PEDS1: variants seen among roughly 807,000 people sequenced by gnomAD.
PEDS1 encodes the protein CarF homolog.
Under a neutral mutation model 35.2 loss-of-function variants are expected in PEDS1, and 14 were observed. The observed-to-expected ratio is 0.40, with a 90% CI of 0.26 to 0.62. The LOEUF is 0.62. PEDS1 is among the 20% of genes least tolerant of loss of function. The pLI, the probability that PEDS1 is intolerant of heterozygous loss-of-function variation, is 0.44. For synonymous variants in PEDS1, 152 were observed against 152.0 expected (o/e 1.00, Z 0.00); for missense variants, 260 against 367.8 (o/e 0.71, Z 2.40).
chr20:50,140,649 C>A (rs115594903), intron 2 of PEDS1, among the ~76,000 whole-genome samples: 2,340 of 152,324 alleles, frequency 0.015, 65 homozygotes, highest in African/African-American at 0.054. Context: ...TTCAGAGAGG[C>A]CTTTCCCGCC....
At chr20:50,151,867 TAAAAC>T (rs1176652412) in intron 1 of PEDS1, among the ~76,000 whole-genome samples, 2 of 150,852 alleles carry the variant, frequency 1.3e-5, no homozygotes, top group Non-Finnish European at 3.0e-5. Context: ...TCAAAACAAA[TAAAAC>T]AAAACAAAAC....
chr20:50,146,648 C>T (rs1466504411), intron 1 of PEDS1, among the ~76,000 whole-genome samples: 2 of 152,188 alleles, frequency 1.3e-5, no homozygotes, highest in Non-Finnish European at 2.9e-5. Context: ...ACCAGGACAG[C>T]TGCCCTCCCC....
chr20:50,121,612 C>T lies in PEDS1; in HGVS notation c.*3446G>A, dbSNP rs1254559531. On this transcript the variant is annotated 3_prime_UTR_variant, in exon 6 of 6. Coordinates refer to ENST00000371652, the MANE Select transcript of PEDS1 (RefSeq NM_199129.4). ...GCACTTGTTTGCAAGTCCCTGATCT[C>T]ACAAGTGGCCCCAACACTCTCAGAC... 2.0e-5 allele frequency: 3 copies of T among 152,194 alleles called. No homozygotes were observed. The highest frequency in any genetic ancestry group is 2.0e-4 in the Admixed American group (3 of 15,260). The allele number at this position is 152,194 out of a possible 1,614,324, so 9.4% of individuals were successfully genotyped here.
intron 1 of PEDS1, 24 bp downstream of exon 1, chr20:50,153,493 T>C: frequency 7.5e-7 from 1 of 1,340,624 alleles, no homozygotes; most frequent in Admixed American, 3.3e-5. Flanking sequence ...ACCGCAGGCC[T>C]GGAGGGGGGC....
chr20:50,140,665 G>A (rs1039446422), intron 2 of PEDS1, among the ~76,000 whole-genome samples: 17 of 152,214 alleles, frequency 1.1e-4, no homozygotes, highest in Middle Eastern at 3.4e-3. Context: ...CCGCCTACCC[G>A]CTTAGCTTGA....
chr20:50,132,921 A>G (rs1303502537), intron 2 of PEDS1, among the ~76,000 whole-genome samples: 3 of 152,206 alleles, frequency 2.0e-5, no homozygotes, highest in African/African-American at 7.2e-5. Flanking sequence ...GAAACGCTGT[A>G]AAGTCCAGCA....
At chr20:50,127,426 C>G (rs966712458) in intron 5 of PEDS1, among the ~76,000 whole-genome samples, 1 of 150,798 alleles carries the variant, frequency 6.6e-6, no homozygotes. Context: ...ACTGCAACCT[C>G]CACCTCCCAG....
chr20:50,130,561 A>G (rs1262421835), intron 3 of PEDS1, among the ~76,000 whole-genome samples: 1 of 152,240 alleles, frequency 6.6e-6, no homozygotes, highest in Non-Finnish European at 1.5e-5. Flanking sequence ...AAATGCAGTT[A>G]AAACAGCAAG....
In PEDS1 at chr20:50,128,442, G is replaced by A. The variant is rs368208506; in HGVS notation, c.479-255C>T. 9.2e-5 allele frequency among the ~76,000 whole-genome samples: 14 copies of A among 152,228 alleles called. No individual in the cohort carries two copies. The highest frequency in any genetic ancestry group is 2.1e-4 in the South Asian group (1 of 4,832). On this transcript the variant is annotated intron_variant, in intron 4 of 5. Coordinates refer to ENST00000371652, the MANE Select transcript of PEDS1 (RefSeq NM_199129.4). The surrounding 1 kb of genome is among the most constrained non-coding windows in gnomAD (Gnocchi z 5.2). ...ATGGCAATGGCTGGGAATGTAGACC[G>A]GAGTCAGCTGGAGCTGGGTTCCGAT... is the stretch of plus-strand genomic sequence containing the variant.
chr20:50,151,685 C>T (rs2081405620), intron 1 of PEDS1, among the ~76,000 whole-genome samples: 1 of 152,154 alleles, frequency 6.6e-6, no homozygotes, highest in African/African-American at 2.4e-5. Context: ...CAGTGAAACC[C>T]CATCTCTACT....
At chr20:50,153,297 G>A (rs544695918) in intron 1 of PEDS1, among the ~76,000 whole-genome samples, 1 of 152,202 alleles carries the variant, frequency 6.6e-6, no homozygotes, top group Admixed American at 6.5e-5. Flanking sequence ...GTAATTTCTT[G>A]ATCTGGGGAG....
chr20:50,130,984 AC>A (rs552330927), intron 2 of PEDS1, 37 bp from the exon 3 acceptor site: 5 of 1,613,226 alleles, frequency 3.1e-6, no homozygotes, highest in African/African-American at 1.3e-5. Context: ...ACATCCCTGC[AC>A]CCCCCCAATC....
At chr20:50,147,982 C>T (rs966230264) in intron 1 of PEDS1, among the ~76,000 whole-genome samples, 8 of 152,134 alleles carry the variant, frequency 5.3e-5, no homozygotes, top group African/African-American at 1.2e-4. Context: ...CCTAGCTACT[C>T]GGGAGGCTGA....
At position 50,143,622 on chromosome 20, in the gene PEDS1, C is replaced by T; in HGVS notation, c.122-1G>A. ...GAGCACCACTCCTGGAGGCGCTTGCCTGCAGGGAGCAGAGGCGAGAGGTAA... is the reference window on the plus strand; with the variant it reads ...GAGCACCACTCCTGGAGGCGCTTGCTTGCAGGGAGCAGAGGCGAGAGGTAA... On this transcript the variant is annotated splice_acceptor_variant, in intron 1 of 5. Transcript: ENST00000371652. LOFTEE classifies it high-confidence loss of function. The T allele has an allele frequency of 6.2e-7, 1 of 1,614,074 alleles. No homozygotes were observed. Among genetic ancestry groups the T allele is most frequent in the Non-Finnish European group, 8.5e-7 (1 of 1,179,988 alleles).
intron 1 of PEDS1, among the ~76,000 whole-genome samples, chr20:50,149,586 A>G (rs1295599263): frequency 1.3e-5 from 2 of 151,962 alleles, no homozygotes; most frequent in African/African-American, 4.8e-5. Flanking sequence ...CCAGGGCTCA[A>G]CCTCTGGGCC....
Position 50,135,658 on chromosome 20 carries a change from CAAAAAAAAAAA to C in PEDS1, c.242-4722_242-4712del, listed in dbSNP as rs34069451. Among the ~76,000 whole-genome samples the C allele has an allele frequency of 6.6e-4, 25 of 37,852 alleles. No individual in the cohort carries two copies. In the South Asian group the frequency reaches 0.018, roughly 27 times the overall value. 24.8% of individuals were successfully genotyped at this position (37,852 alleles called of 152,430 possible). On this transcript the variant is annotated intron_variant, in intron 2 of 5. Coordinates refer to ENST00000371652, the MANE Select transcript of PEDS1 (RefSeq NM_199129.4). ...GGGCAACAAGAGCAAAACTCCATCT[CAAAAAAAAAAA>C]AAAAAAAAAAAAAGCATTTCCAGCC...
intron 5 of PEDS1, among the ~76,000 whole-genome samples, chr20:50,126,098 G>A (rs2081100385): frequency 6.6e-6 from 1 of 151,938 alleles, no homozygotes; most frequent in South Asian, 2.1e-4. Flanking sequence ...TTCCTGTTCT[G>A]TGTTTGTTCA....
rs546065371 is a variant in PEDS1 at position 50,153,697 on chromosome 20, A to G, written c.-60T>C. On this transcript the variant is annotated 5_prime_UTR_variant, in exon 1 of 6. Coordinates refer to ENST00000371652, the MANE Select transcript of PEDS1 (RefSeq NM_199129.4). The stretch of plus-strand genomic sequence containing the variant: ...GGCGGCGGCGGCGGCAGGGCCGCGG[A>G]ACCGCGGCGAGATCACGCCGCCCAA... 4.1e-4 allele frequency: 486 copies of G among 1,179,208 alleles called. 4 individuals are homozygous for G. In the East Asian group the frequency reaches 0.014, roughly 33 times the overall value. The allele number at this position is 1,179,208 out of a possible 1,614,324, so 73.0% of individuals were successfully genotyped here.
At chr20:50,125,584 CT>C (rs1240660723) in intron 5 of PEDS1, among the ~76,000 whole-genome samples, 3 of 136,212 alleles carry the variant, frequency 2.2e-5, no homozygotes, top group African/African-American at 7.9e-5. Context: ...ATCTATCTAT[CT>C]ATCTATCATT....
Sources: allele counts gnomAD v4.1 joint callset (sites outside exome capture counted in the v4.1 genomes callset), GRCh38; gene constraint gnomAD v4.1.1; non-coding constraint Gnocchi (gnomAD v3.1); transcripts MANE v1.5; gene names NCBI Gene and HGNC (gene_info 2026-07-23, HGNC 2026-07-21).